The following SFMBT2 variants were observed in gnomAD, a reference collection of about 807,000 sequenced individuals.
The protein encoded by SFMBT2 is scm-like with four MBT domains protein 2.
Under a neutral mutation model 110.1 loss-of-function variants are expected in SFMBT2, and 38 were observed. The observed-to-expected ratio is 0.35, with a 90% CI of 0.27 to 0.45. The LOEUF (loss-of-function observed/expected upper bound fraction) is 0.45. Ranked by LOEUF, SFMBT2 falls within the 20% of genes least tolerant of loss-of-function variation. The probability of loss-of-function intolerance (pLI) is 1.00; values close to 1 mark genes in which losing one functional copy is unlikely to be tolerated. For missense variants in SFMBT2, 1,011 were observed against 1,094.9 expected (o/e 0.92, Z 1.08); for synonymous variants, 425 against 425.4 (o/e 1.00, Z 0.01).
intron 6 of SFMBT2, among the ~76,000 whole-genome samples, chr10:7,278,484 G>A (rs141470741): frequency 4.9e-4 from 74 of 152,260 alleles, no homozygotes; most frequent in Middle Eastern, 3.4e-3. Context: ...CCCTGAGGAC[G>A]CCAACGCAGG....
intron 7 of SFMBT2, among the ~76,000 whole-genome samples, chr10:7,260,266 C>T (rs1254226720): frequency 6.6e-6 from 1 of 152,168 alleles, no homozygotes; most frequent in Non-Finnish European, 1.5e-5. Flanking sequence ...AGACAGAAAA[C>T]CCTACTCGAC....
At chr10:7,225,633 T>G (rs1158011086) in intron 10 of SFMBT2, among the ~76,000 whole-genome samples, 1 of 152,108 alleles carries the variant, frequency 6.6e-6, no homozygotes, top group Non-Finnish European at 1.5e-5. Flanking sequence ...GGTGATTTAC[T>G]CTACCATTCA....
intron 6 of SFMBT2, chr10:7,277,464 A>T (rs1428497652): frequency 8.2e-6 from 2 of 243,610 alleles, no homozygotes; most frequent in Admixed American, 6.5e-5. Context: ...TCTGCTAAAA[A>T]TAGTCCCTGT....
At chr10:7,372,032 T>G (rs1845078271) in intron 2 of SFMBT2, among the ~76,000 whole-genome samples, 1 of 147,934 alleles carries the variant, frequency 6.8e-6, no homozygotes, top group Admixed American at 7.0e-5. Flanking sequence ...GTTCAAGTGA[T>G]TCTCCTGCCT....
intron 4 of SFMBT2, among the ~76,000 whole-genome samples, chr10:7,366,996 A>C (rs2132050227): frequency 6.6e-6 from 1 of 152,044 alleles, no homozygotes. Context: ...TAAATTGATC[A>C]TATCTATATG....
chr10:7,239,320 A>G (rs1363293564), intron 9 of SFMBT2, among the ~76,000 whole-genome samples: 1 of 152,244 alleles, frequency 6.6e-6, no homozygotes, highest in Non-Finnish European at 1.5e-5. Flanking sequence ...TGTACAATAA[A>G]TCCCACATAT....
intron 4 of SFMBT2, among the ~76,000 whole-genome samples, chr10:7,333,060 T>C (rs550647670): frequency 1.3e-5 from 2 of 152,090 alleles, no homozygotes; most frequent in Admixed American, 1.3e-4. Context: ...AGAGATGGGG[T>C]TTCTCCATCT....
At chr10:7,363,354 C>A (rs1312676699) in intron 4 of SFMBT2, among the ~76,000 whole-genome samples, 1 of 145,238 alleles carries the variant, frequency 6.9e-6, no homozygotes, top group Non-Finnish European at 1.5e-5. Flanking sequence ...TAAACCTCCT[C>A]TTTTTTTTTT....
intron 4 of SFMBT2, among the ~76,000 whole-genome samples, chr10:7,319,432 A>G (rs1843106776): frequency 6.6e-6 from 1 of 152,232 alleles, no homozygotes; most frequent in Non-Finnish European, 1.5e-5. Context: ...ACTGGATGGG[A>G]CACAAGTCTG....
intron 15 of SFMBT2, among the ~76,000 whole-genome samples, chr10:7,195,680 C>T (rs1405595842): frequency 6.6e-6 from 1 of 152,168 alleles, no homozygotes; most frequent in Non-Finnish European, 1.5e-5. Context: ...GATGCCCCAG[C>T]CTTGTTCCTG....
rs539532360 is a variant in SFMBT2 at position 7,301,399 on chromosome 10, A to G, written c.437-15445T>C. Among the ~76,000 whole-genome samples, 1 of 152,316 alleles carries G rather than the reference A, an allele frequency of 6.6e-6. No homozygotes were observed. Among genetic ancestry groups the G allele is most frequent in the South Asian group, 2.1e-4 (1 of 4,826 alleles). ...AGCTCTTCCAATCATCAAGTGAGGA[A>G]TGAAGAAAGCCCGAACTCATGAGAC... On this transcript the variant is annotated intron_variant, in intron 4 of 20. Coordinates refer to ENST00000397167, the MANE Select transcript of SFMBT2 (RefSeq NM_001387889.1). The surrounding 1 kb of genome is among the most constrained non-coding windows in gnomAD (Gnocchi z 4.2).
At position 7,172,466 on chromosome 10, in the gene SFMBT2, G is replaced by A. The variant is rs936745174; in HGVS notation, c.2151+29C>T. ...GCCAGGGCCAGATGACAGAGCTACA[G>A]GCTGGCAGGTGCCCCGGGCAGAACA... On this transcript the variant is annotated intron_variant, in intron 18 of 20. Transcript: ENST00000397167. The surrounding 1 kb of genome is among the most constrained non-coding windows in gnomAD (Gnocchi z 4.6). 1 of 1,612,812 alleles carries A rather than the reference G, an allele frequency of 6.2e-7. No individual in the cohort carries two copies. Among genetic ancestry groups the A allele is most frequent in the South Asian group, 1.1e-5 (1 of 91,014 alleles).
chr10:7,290,852 A>G (rs763249017), intron 4 of SFMBT2, among the ~76,000 whole-genome samples: 2 of 152,226 alleles, frequency 1.3e-5, no homozygotes, highest in African/African-American at 4.8e-5. Flanking sequence ...AAAGAAAAAG[A>G]AAGCAAGCTA....
At position 7,343,053 on chromosome 10, in the gene SFMBT2, G is replaced by A. The variant is rs59387850; in HGVS notation, c.436+24596C>T. On this transcript the variant is annotated intron_variant, in intron 4 of 20. Coordinates refer to ENST00000397167, the MANE Select transcript of SFMBT2 (RefSeq NM_001387889.1). Reference sequence around the variant, plus strand: ...CTTTCTTTCCACCATCCACTCTCAAGTAGGCCCCCGTGTCTATGATTCCCA... The same window carrying A: ...CTTTCTTTCCACCATCCACTCTCAAATAGGCCCCCGTGTCTATGATTCCCA... Among the ~76,000 whole-genome samples the A allele has an allele frequency of 9.3e-3, 1,421 of 152,026 alleles. 21 individuals carry two copies. The highest frequency in any genetic ancestry group is 0.032 in the African/African-American group (1,335 of 41,334).
intron 16 of SFMBT2, among the ~76,000 whole-genome samples, chr10:7,186,890 TG>T (rs993578715): frequency 1.3e-5 from 2 of 152,242 alleles, no homozygotes; most frequent in Non-Finnish European, 2.9e-5. Flanking sequence ...CTCGCACAGT[TG>T]AAACCCAGTT....
At chr10:7,175,062 G>A (rs1269160768) in intron 17 of SFMBT2, among the ~76,000 whole-genome samples, 2 of 152,256 alleles carry the variant, frequency 1.3e-5, no homozygotes, top group African/African-American at 4.8e-5. Flanking sequence ...CAGCACCCAT[G>A]TTGACAAACG....
chr10:7,322,951 C>T (rs1002074903), intron 4 of SFMBT2, among the ~76,000 whole-genome samples: 12 of 152,120 alleles, frequency 7.9e-5, no homozygotes, highest in African/African-American at 1.4e-4. Flanking sequence ...GAACATTCAC[C>T]CAAGAGTATT....
chr10:7,197,806 T>C (rs1838825511), intron 14 of SFMBT2, 119 bp from the exon 15 acceptor site: 1 of 1,359,208 alleles, frequency 7.4e-7, no homozygotes, highest in African/African-American at 1.5e-5. Context: ...CTGTCCGAGG[T>C]CTTGGCTGAT....
At chr10:7,197,946 CAG>C in intron 14 of SFMBT2, 1 of 978,644 alleles carries the variant, frequency 1.0e-6, no homozygotes, top group Non-Finnish European at 1.2e-6. Context: ...CAGAGAAAAA[CAG>C]ATGATTTTCT....
Sources: allele counts gnomAD v4.1 joint callset (sites outside exome capture counted in the v4.1 genomes callset), GRCh38; gene constraint gnomAD v4.1.1; non-coding constraint Gnocchi (gnomAD v3.1); transcripts MANE v1.5; gene names NCBI Gene and HGNC (gene_info 2026-07-23, HGNC 2026-07-21).